CMTM7: variants seen among roughly 807,000 people sequenced by gnomAD.
CMTM7 encodes CKLF like MARVEL transmembrane domain containing 7.
Under a neutral mutation model 19.3 loss-of-function variants are expected in CMTM7, and 7 were observed. The ratio of observed to expected loss-of-function variants is 0.36; its 90% CI spans 0.21 to 0.68. The LOEUF is 0.68. Ranked by LOEUF, CMTM7 falls within the 30% of genes least tolerant of loss-of-function variation. CMTM7 has a pLI of 0.60. For synonymous variants in CMTM7, 87 were observed against 99.3 expected (o/e 0.88, Z 0.74); for missense variants, 193 against 232.6 (o/e 0.83, Z 1.11).
chr3:32,404,404 C>G (rs1302247096), intron 1 of CMTM7, among the ~76,000 whole-genome samples: 6 of 152,002 alleles, frequency 3.9e-5, no homozygotes, highest in African/African-American at 1.5e-4. Context: ...CAAGTAATCC[C>G]CCCTCCTTGG....
intron 1 of CMTM7, among the ~76,000 whole-genome samples, chr3:32,420,797 G>C (rs946060434): frequency 6.6e-6 from 1 of 152,232 alleles, no homozygotes; most frequent in African/African-American, 2.4e-5. Flanking sequence ...GGGGGCAGGA[G>C]AGGGGGCCAG....
intron 1 of CMTM7, among the ~76,000 whole-genome samples, chr3:32,440,525 C>T (rs1696659412): frequency 1.3e-5 from 2 of 152,180 alleles, no homozygotes; most frequent in South Asian, 4.1e-4. Flanking sequence ...CGTCCATAAT[C>T]CCAGCACTTT....
At chr3:32,394,661 A>T (rs1695888754) in intron 1 of CMTM7, among the ~76,000 whole-genome samples, 1 of 152,216 alleles carries the variant, frequency 6.6e-6, no homozygotes, top group Non-Finnish European at 1.5e-5. Flanking sequence ...GTAGAGACAC[A>T]GTCACAGGTT....
chr3:32,442,797 C>A (rs1696701220), intron 2 of CMTM7, among the ~76,000 whole-genome samples: 1 of 152,106 alleles, frequency 6.6e-6, no homozygotes, highest in Non-Finnish European at 1.5e-5. Context: ...GTATTGTTCA[C>A]CCATTTCAAG....
In CMTM7 at chr3:32,441,845, C is replaced by T; in HGVS notation, c.165C>T (p.Thr55=). The T allele has an allele frequency of 6.2e-7, 1 of 1,613,878 alleles. No individual in the cohort carries two copies. Among genetic ancestry groups the T allele is most frequent in the South Asian group, 1.1e-5 (1 of 91,054 alleles). ...AALLKVAQMV[T]LLIAFICVRS... ...TGTCTCTATTTATGTGGCAGGTCAC[C>T]CTGCTGATTGCCTTCATCTGTGTGC... Residue 55 remains threonine (T), a synonymous_variant, in exon 2 of 5, where the codon ACC becomes ACT. Coordinates refer to ENST00000334983, the MANE Select transcript of CMTM7 (RefSeq NM_138410.4).
chr3:32,416,233 T>C (rs1696259836), intron 1 of CMTM7, among the ~76,000 whole-genome samples: 2 of 152,052 alleles, frequency 1.3e-5, no homozygotes, highest in South Asian at 2.1e-4. Context: ...AGTCTTGCTC[T>C]TGTAAACCAG....
intron 1 of CMTM7, among the ~76,000 whole-genome samples, chr3:32,414,256 T>C (rs1174940859): frequency 6.6e-6 from 1 of 152,216 alleles, no homozygotes; most frequent in Non-Finnish European, 1.5e-5. Flanking sequence ...CTACATTTTC[T>C]TGGTTCAGTT....
At chr3:32,414,957 T>G (rs1394555908) in intron 1 of CMTM7, among the ~76,000 whole-genome samples, 4 of 152,118 alleles carry the variant, frequency 2.6e-5, no homozygotes, top group Admixed American at 6.5e-5. Context: ...CCAGAACTGT[T>G]TGACTCCAAA....
intron 1 of CMTM7, among the ~76,000 whole-genome samples, chr3:32,436,211 G>T (rs1696595250): frequency 6.6e-6 from 1 of 152,206 alleles, no homozygotes; most frequent in Admixed American, 6.5e-5. Flanking sequence ...ATAGGAGCAT[G>T]GGCAGGACTC....
intron 3 of CMTM7, chr3:32,451,332 G>A (rs978241021): frequency 6.6e-6 from 1 of 152,254 alleles, no homozygotes; most frequent in African/African-American, 2.4e-5. Flanking sequence ...TAGTGAAGTG[G>A]AGGCCTTTGT....
intron 2 of CMTM7, among the ~76,000 whole-genome samples, chr3:32,448,466 A>G (rs1424613750): frequency 1.3e-5 from 2 of 152,238 alleles, no homozygotes; most frequent in Non-Finnish European, 2.9e-5. Flanking sequence ...ATTCTCATTG[A>G]AGACAACTGA....
chr3:32,451,880 T>C (rs1052516533), intron 3 of CMTM7: 1 of 373,518 alleles, frequency 2.7e-6, no homozygotes, highest in Non-Finnish European at 5.2e-6. Flanking sequence ...TTGTTTAATA[T>C]GTACAAACGT....
intron 2 of CMTM7, among the ~76,000 whole-genome samples, chr3:32,447,843 T>A (rs1255429897): frequency 1.3e-5 from 2 of 152,190 alleles, no homozygotes; most frequent in African/African-American, 4.8e-5. Flanking sequence ...TATTTCTCGT[T>A]TTGCTTTGGT....
intron 1 of CMTM7, among the ~76,000 whole-genome samples, chr3:32,409,266 G>C: frequency 6.6e-6 from 1 of 152,072 alleles, no homozygotes; most frequent in East Asian, 1.9e-4. Flanking sequence ...CCTTGCCCCA[G>C]GTTCTCCGTT....
At chr3:32,418,691 A>G (rs1331621585) in intron 1 of CMTM7, among the ~76,000 whole-genome samples, 1 of 152,202 alleles carries the variant, frequency 6.6e-6, no homozygotes, top group Non-Finnish European at 1.5e-5. Flanking sequence ...CACTTCTCTC[A>G]AAAGACCAGC....
At chr3:32,419,728 C>A (rs964602892) in intron 1 of CMTM7, among the ~76,000 whole-genome samples, 3 of 152,120 alleles carry the variant, frequency 2.0e-5, no homozygotes, top group African/African-American at 4.8e-5. Flanking sequence ...CTGTGATAAA[C>A]CTTAGCTGTG....
At chr3:32,408,990 C>G (rs931269696) in intron 1 of CMTM7, among the ~76,000 whole-genome samples, 1 of 151,932 alleles carries the variant, frequency 6.6e-6, no homozygotes, top group Non-Finnish European at 1.5e-5. Flanking sequence ...TCAAGCGGTT[C>G]TCTTGCCTCA....
At chr3:32,398,948 A>G (rs1575107476) in intron 1 of CMTM7, among the ~76,000 whole-genome samples, 1 of 152,220 alleles carries the variant, frequency 6.6e-6, no homozygotes, top group East Asian at 1.9e-4. Context: ...GGCACTCCAT[A>G]CAGCCTAGGT....
intron 1 of CMTM7, among the ~76,000 whole-genome samples, chr3:32,418,164 T>C (rs1696294488): frequency 6.6e-6 from 1 of 152,224 alleles, no homozygotes; most frequent in Non-Finnish European, 1.5e-5. Flanking sequence ...ACTATAATGT[T>C]GAACATCTTT....
Sources: gnomAD v4.1 joint callset for allele counts (sites outside exome capture counted in the v4.1 genomes callset) on GRCh38, gnomAD v4.1.1 for gene constraint, MANE v1.5 for transcripts, NCBI Gene and HGNC (gene_info 2026-07-23, HGNC 2026-07-21) for gene names.